Variants in TEX101 observed in about 807,000 individuals in gnomAD.
The protein encoded by TEX101 is testis expressed 101, also known as testis-expressed protein 101.
A neutral mutation model predicts 18.1 loss-of-function variants in TEX101; 10 were observed. The ratio of observed to expected loss-of-function variants is 0.55; its 90% confidence interval spans 0.34 to 0.94. The LOEUF (loss-of-function observed/expected upper bound fraction) is 0.94, where lower values mean the gene tolerates loss of function less well. Among genes scored for constraint, TEX101 ranks in the 40% least tolerant of loss-of-function variants. TEX101 has a pLI of 0.02. For missense variants in TEX101, 259 were observed against 298.9 expected (o/e 0.87, Z 0.98); for synonymous variants, 94 against 114.8 (o/e 0.82, Z 1.16).
chr19:43,413,956 A>G (rs1779703605), upstream of TEX101, among the ~76,000 whole-genome samples: 1 of 141,670 alleles, frequency 7.1e-6, no homozygotes, highest in Non-Finnish European at 1.5e-5. Context: ...CTCTGTCTCC[A>G]AAAAAAAAAT....
At chr19:43,391,074 A>G in the TEX101 span, among the ~76,000 whole-genome samples, 1 of 152,190 alleles carries the variant, frequency 6.6e-6, no homozygotes, top group Non-Finnish European at 1.5e-5. Context: ...CACCATCAGA[A>G]CCACCCTTCT....
upstream of TEX101, among the ~76,000 whole-genome samples, chr19:43,400,423 G>A (rs149001170): frequency 2.6e-4 from 40 of 152,258 alleles, no homozygotes; most frequent in African/African-American, 6.7e-4. Flanking sequence ...TTGGGTTTTC[G>A]TTTAAATGCA....
chr19:43,390,744 C>T, the TEX101 span, among the ~76,000 whole-genome samples: 3 of 151,762 alleles, frequency 2.0e-5, no homozygotes, highest in African/African-American at 7.3e-5. Flanking sequence ...TGGGATTAGA[C>T]GTAAGCCACC....
the TEX101 span, among the ~76,000 whole-genome samples, chr19:43,391,161 G>T: frequency 6.6e-6 from 1 of 152,166 alleles, no homozygotes; most frequent in Non-Finnish European, 1.5e-5. Flanking sequence ...TGGACACTGG[G>T]CTTGTTTCCA....
the TEX101 span, among the ~76,000 whole-genome samples, chr19:43,393,707 T>C: frequency 6.6e-6 from 1 of 152,106 alleles, no homozygotes; most frequent in Non-Finnish European, 1.5e-5. Context: ...TAACATGGAT[T>C]GTTAATTTAA....
chr19:43,407,135 C>G (rs1226976772), intron 3 of TEX101, among the ~76,000 whole-genome samples: 1 of 152,016 alleles, frequency 6.6e-6, no homozygotes, highest in Non-Finnish European at 1.5e-5. Context: ...GATGTGGGCT[C>G]TTCCTATCAT....
At chr19:43,390,460 C>CTTTTTCTTTTTTTTTTTTTT in the TEX101 span, among the ~76,000 whole-genome samples, 1 of 49,856 alleles carries the variant, frequency 2.0e-5, no homozygotes, top group Non-Finnish European at 3.4e-5. Context: ...CTTTTTTTTT[C>CTTTTTCTTTTTTTTTTTTTT]TTTTTTTTTT....
intron 2 of TEX101, 54 bp from the exon 3 acceptor site, chr19:43,416,045 G>A (rs2122349334): frequency 1.2e-6 from 2 of 1,611,148 alleles, no homozygotes; most frequent in Non-Finnish European, 1.7e-6. Context: ...TGATGAAAAG[G>A]GAGCCGCCTT....
chr19:43,391,850 C>T, the TEX101 span, among the ~76,000 whole-genome samples: 1 of 152,200 alleles, frequency 6.6e-6, no homozygotes. Flanking sequence ...GGTTAGTCAG[C>T]AGGTGAGTGC....
In TEX101 at chr19:43,417,989, A is replaced by G. The variant is rs1243215760; in HGVS notation, c.503A>G (p.Lys168Arg). The change falls in exon 5 of 6, where the codon AAA (lysine) becomes AGA (arginine). Residue 168 changes from lysine to arginine, a missense_variant. Lys to Arg is a conservative substitution (Grantham distance 26). Coordinates refer to ENST00000598265, the MANE Select transcript of TEX101 (RefSeq NM_001130011.3). ...GGTACAACTCGATGCTATCAAGGAA[A>G]ACTTGAGATCACTGGAGGTAAACTG... is the stretch of plus-strand genomic sequence containing the variant. ...PNGTTRCYQG[K>R]LEITGGGIES... 2.5e-6 allele frequency: 4 copies of G among 1,614,038 alleles called. No individual in the cohort carries two copies. The highest frequency in any genetic ancestry group is 3.4e-6 in the Non-Finnish European group (4 of 1,180,034).
the TEX101 span, among the ~76,000 whole-genome samples, chr19:43,388,815 T>C: frequency 2.6e-5 from 4 of 152,214 alleles, no homozygotes; most frequent in Non-Finnish European, 5.9e-5. Flanking sequence ...GACAAGTTTC[T>C]TTTACTTCTA....
intron 3 of TEX101, among the ~76,000 whole-genome samples, chr19:43,409,094 C>A (rs1970396652): frequency 6.6e-6 from 1 of 152,192 alleles, no homozygotes; most frequent in African/African-American, 2.4e-5. Context: ...ATGAATGATG[C>A]ATTAATCAGG....
At chr19:43,408,144 A>AGCCCGCAATGCCCTCAGGAGGC (rs1970386183) in intron 3 of TEX101, among the ~76,000 whole-genome samples, 1 of 152,122 alleles carries the variant, frequency 6.6e-6, no homozygotes, top group Non-Finnish European at 1.5e-5. Flanking sequence ...AGCCTGCCCG[A>AGCCCGCAATGCCCTCAGGAGGC]GCCCGCAATG....
intron 3 of TEX101, among the ~76,000 whole-genome samples, chr19:43,409,333 G>A (rs992600027): frequency 6.6e-6 from 1 of 152,292 alleles, no homozygotes; most frequent in East Asian, 1.9e-4. Context: ...GCAGGTTACA[G>A]ACTGTTTACA....
At chr19:43,411,286 A>G (rs1970417043), upstream of TEX101, among the ~76,000 whole-genome samples, 1 of 152,128 alleles carries the variant, frequency 6.6e-6, no homozygotes, top group Non-Finnish European at 1.5e-5. Context: ...CATGTTGGCC[A>G]GGCTGGTCTC....
At chr19:43,413,154 G>A (rs966644890), upstream of TEX101, among the ~76,000 whole-genome samples, 2 of 152,064 alleles carry the variant, frequency 1.3e-5, no homozygotes, top group African/African-American at 2.4e-5. Context: ...CGTTTCCCAC[G>A]CTTGCTCGAT....
chr19:43,410,034 G>C (rs1211053884), upstream of TEX101, among the ~76,000 whole-genome samples: 1 of 151,698 alleles, frequency 6.6e-6, no homozygotes, highest in East Asian at 1.9e-4. Context: ...GAGAGATCCT[G>C]TCTCAAAAAA....
At position 43,409,614 on chromosome 19, in the gene TEX101, A is replaced by T. The variant is rs556709331; in HGVS notation, c.15+3095A>T. ...AGCACAAGAAAGTTGAAGTACTAGT[A>T]AAAAAAAAAAAAGAAAGAAAGAAAA... On this transcript the variant is annotated intron_variant, in intron 3 of 7. Coordinates refer to the TEX101 transcript ENST00000602198. Among the ~76,000 whole-genome samples the T allele has an allele frequency of 3.8e-3, 532 of 138,984 alleles. 2 individuals carry two copies. Among genetic ancestry groups the T allele is most frequent in the Non-Finnish European group, 7.0e-3 (456 of 64,840 alleles). 91.2% of individuals were successfully genotyped at this position (138,984 alleles called of 152,430 possible).
upstream of TEX101, among the ~76,000 whole-genome samples, chr19:43,397,691 G>C (rs904291105): frequency 6.8e-6 from 1 of 146,484 alleles, no homozygotes; most frequent in Non-Finnish European, 1.5e-5. Flanking sequence ...GATCACGCCT[G>C]AGAAAATCAA....
Sources: allele counts gnomAD v4.1 joint callset (sites outside exome capture counted in the v4.1 genomes callset), GRCh38; gene constraint gnomAD v4.1.1; transcripts MANE v1.5; gene names NCBI Gene and HGNC (gene_info 2026-07-23, HGNC 2026-07-21).